The following TENM3 variants were observed in gnomAD, a reference collection of about 807,000 sequenced individuals.
TENM3 encodes teneurin transmembrane protein 3.
TENM3 carries 63 observed loss-of-function variants against 255.1 expected under a neutral mutation model. The observed-to-expected ratio is 0.25, with a 90% confidence interval of 0.20 to 0.30. The LOEUF is 0.30. Ranked by LOEUF, TENM3 falls within the 10% of genes least tolerant of loss-of-function variation. The pLI is 1.00. For synonymous variants in TENM3, 1,306 were observed against 1,322.3 expected, an observed-to-expected ratio of 0.99 and a Z score of 0.27; for missense variants, 2,929 against 3,461.1, an observed-to-expected ratio of 0.85 and a Z score of 3.86.
chr4:181,996,122 G>T, the TENM3 span, among the ~76,000 whole-genome samples: 1 of 146,954 alleles, frequency 6.8e-6, no homozygotes, highest in East Asian at 2.0e-4. Context: ...ACCTAGGATA[G>T]TCCAACTTCT....
At chr4:182,138,269 C>T in the TENM3 span, among the ~76,000 whole-genome samples, 1 of 152,156 alleles carries the variant, frequency 6.6e-6, no homozygotes, top group East Asian at 1.9e-4. Context: ...GTGTGATAAG[C>T]GGTCATCATC....
chr4:182,407,180 G>A (rs955423135), intron 3 of TENM3, among the ~76,000 whole-genome samples: 4 of 152,046 alleles, frequency 2.6e-5, no homozygotes, highest in African/African-American at 7.2e-5. Context: ...GACAGAGTTC[G>A]AACGTAAAAA....
At chr4:181,595,399 C>A in the TENM3 span, among the ~76,000 whole-genome samples, 1 of 138,360 alleles carries the variant, frequency 7.2e-6, no homozygotes, top group Non-Finnish European at 1.5e-5. Context: ...CCACTGCACT[C>A]CAGCCTGGGT....
At chr4:182,206,087 A>G (rs1754555121) in intron 1 of TENM3, among the ~76,000 whole-genome samples, 1 of 152,128 alleles carries the variant, frequency 6.6e-6, no homozygotes, top group South Asian at 2.1e-4. Context: ...CTAAACTAAC[A>G]GATATAATAG....
the TENM3 span, among the ~76,000 whole-genome samples, chr4:181,560,206 A>G: frequency 1.4e-5 from 1 of 72,466 alleles, no homozygotes; most frequent in Non-Finnish European, 4.2e-5. Flanking sequence ...CTGTCTTCTC[A>G]CTGTGGCTTC....
chr4:182,742,622 G>A (rs779526336), intron 18 of TENM3, among the ~76,000 whole-genome samples: 38 of 152,114 alleles, frequency 2.5e-4, no homozygotes, highest in Admixed American at 5.2e-4. Context: ...TGTATTCCTG[G>A]TTCACATTTT....
chr4:182,288,097 C>A (rs557275060), intron 1 of TENM3, among the ~76,000 whole-genome samples: 1 of 151,852 alleles, frequency 6.6e-6, no homozygotes, highest in Non-Finnish European at 1.5e-5. Flanking sequence ...ACCACCACAC[C>A]GGCTAATTTT....
chr4:182,686,218 A>G (rs1351978288), intron 11 of TENM3, among the ~76,000 whole-genome samples: 1 of 152,076 alleles, frequency 6.6e-6, no homozygotes, highest in Non-Finnish European at 1.5e-5. Flanking sequence ...GAAAGTAATT[A>G]TACTAAGTAT....
the TENM3 span, chr4:181,980,416 C>T: frequency 2.0e-5 from 3 of 152,128 alleles, no homozygotes; most frequent in Admixed American, 6.6e-5. Context: ...ATTTCATAGC[C>T]AAACATGCTT....
intron 1 of TENM3, among the ~76,000 whole-genome samples, chr4:182,175,436 T>G (rs1247868022): frequency 1.3e-5 from 2 of 152,074 alleles, no homozygotes; most frequent in African/African-American, 4.8e-5. Context: ...ATTTATCCAC[T>G]GCGTAATTCT....
Position 182,800,423 on chromosome 4 carries a change from C to T in TENM3, c.*72C>T. On this transcript the variant is annotated 3_prime_UTR_variant, in exon 28 of 28. Coordinates refer to ENST00000511685, the MANE Select transcript of TENM3 (RefSeq NM_001080477.4). The stretch of plus-strand genomic sequence containing the variant: ...CCTGTGGCACAACCCGAGTGGGACT[C>T]TCCAACGCCCAAGAGCCTTCCTCCC... 1 of 1,459,270 alleles carries T rather than the reference C, an allele frequency of 6.9e-7. No homozygotes were observed. The highest frequency in any genetic ancestry group is 1.3e-5 in the South Asian group (1 of 75,738). The allele number at this position is 1,459,270 out of a possible 1,614,324, so 90.4% of individuals were successfully genotyped here.
chr4:182,799,877 G>C lies in TENM3; in HGVS notation c.7626G>C (p.Glu2542Asp), dbSNP rs1194510554. The C allele has an allele frequency of 6.2e-7, 1 of 1,610,744 alleles. No individual in the cohort carries two copies. Among genetic ancestry groups the C allele is most frequent in the Admixed American group, 1.7e-5 (1 of 59,728 alleles). The change falls in exon 28 of 28, where the codon GAG becomes GAC. Residue 2542 changes from glutamate (E) to aspartate (D), a missense_variant. Physicochemically the swap from Glu to Asp is conservative, Grantham distance 45 (BLOSUM62 2). Around this residue, in one of 6 missense-constraint regions of TENM3, gnomAD observed 476 missense variants for 480.1 expected, o/e 0.99. Transcript: ENST00000511685. This position sits in a 1 kb window ranked among gnomAD's most constrained non-coding sequence, Gnocchi z 4.2. ...TGGAGAACCTGCACTTCACCATCGA[G>C]GGCAAGGACACGCACTACTTCATCA... Reference protein sequence around the residue: ...FYLENLHFTIEGKDTHYFIKT... With the variant: ...FYLENLHFTIDGKDTHYFIKT...
At chr4:182,186,188 G>A (rs1753137681) in intron 1 of TENM3, among the ~76,000 whole-genome samples, 1 of 152,150 alleles carries the variant, frequency 6.6e-6, no homozygotes, top group African/African-American at 2.4e-5. Context: ...ACTCATGCAA[G>A]TGTGTGTGCA....
intron 3 of TENM3, among the ~76,000 whole-genome samples, chr4:182,541,115 A>G (rs1212289419): frequency 6.6e-6 from 1 of 152,234 alleles, no homozygotes; most frequent in Admixed American, 6.5e-5. Context: ...AACAGTTGGT[A>G]AATGGTTCCC....
chr4:181,532,917 A>G, the TENM3 span, among the ~76,000 whole-genome samples: 1 of 152,144 alleles, frequency 6.6e-6, no homozygotes, highest in African/African-American at 2.4e-5. Flanking sequence ...TGATTTTCTT[A>G]AAATTGTTTT....
chr4:182,217,830 A>G (rs887734107), intron 1 of TENM3, among the ~76,000 whole-genome samples: 1 of 152,176 alleles, frequency 6.6e-6, no homozygotes, highest in African/African-American at 2.4e-5. Context: ...AAAAACAATG[A>G]ATAATAATGT....
chr4:182,055,945 C>T, the TENM3 span, among the ~76,000 whole-genome samples: 1 of 152,042 alleles, frequency 6.6e-6, no homozygotes. Flanking sequence ...GAGAAGCAAA[C>T]TGAAGTCACT....
Position 182,191,691 on chromosome 4 carries a change from C to T in TENM3, c.-76+46937C>T, listed in dbSNP as rs1472746562. Among the ~76,000 whole-genome samples the T allele has an allele frequency of 2.6e-5, 4 of 152,152 alleles. No individual in the cohort carries two copies. In the South Asian group the frequency reaches 8.3e-4, roughly 32 times the overall value. ...TGTTGAAATCACCATGGACTCCCAG[C>T]CTTCCATGCTCAATTTCACCCTGAA... On this transcript the variant is annotated intron_variant, in intron 1 of 2. Transcript: ENST00000512480.
chr4:181,756,651 T>C, the TENM3 span, among the ~76,000 whole-genome samples: 3 of 152,212 alleles, frequency 2.0e-5, no homozygotes, highest in African/African-American at 7.2e-5. Context: ...CAGTTTGCTG[T>C]GAGCAGTGCA....
Sources: gnomAD v4.1 joint callset for allele counts (sites outside exome capture counted in the v4.1 genomes callset) on GRCh38, gnomAD v4.1.1 for gene constraint, gnomAD v4.1.1 regional missense constraint, Gnocchi (gnomAD v3.1) non-coding constraint, MANE v1.5 for transcripts, NCBI Gene and HGNC (gene_info 2026-07-23, HGNC 2026-07-21) for gene names.